Variants in CPQ observed in about 807,000 individuals in gnomAD.
CPQ encodes the protein Ser-Met dipeptidase.
Under a neutral mutation model 45.7 loss-of-function variants are expected in CPQ, and 37 were observed. The observed-to-expected ratio is 0.81, with a 90% CI of 0.62 to 1.07. The LOEUF (loss-of-function observed/expected upper bound fraction) is 1.07, where lower values mean the gene tolerates loss of function less well. Ranked by LOEUF, CPQ falls within the 50% of genes least tolerant of loss-of-function variation. The pLI, the probability that CPQ is intolerant of heterozygous loss-of-function variation, is 0.00. For synonymous variants in CPQ, 186 were observed against 205.8 expected, an observed-to-expected ratio of 0.90 and a Z score of 0.82; for missense variants, 537 against 572.9, an observed-to-expected ratio of 0.94 and a Z score of 0.64.
At chr8:96,934,044 A>T (rs1329912432) in intron 4 of CPQ, among the ~76,000 whole-genome samples, 1 of 152,188 alleles carries the variant, frequency 6.6e-6, no homozygotes, top group South Asian at 2.1e-4. Flanking sequence ...ATGCAACAGG[A>T]GCTTGAAGAG....
chr8:96,963,521 A>C (rs1396252180), intron 4 of CPQ, among the ~76,000 whole-genome samples: 1 of 152,198 alleles, frequency 6.6e-6, no homozygotes, highest in African/African-American at 2.4e-5. Flanking sequence ...TCAGTGAATC[A>C]TTCAGTGCAA....
intron 5 of CPQ, among the ~76,000 whole-genome samples, chr8:96,994,621 C>T (rs1032790198): frequency 1.3e-5 from 2 of 151,816 alleles, no homozygotes; most frequent in African/African-American, 4.8e-5. Context: ...CTAAGGAGAG[C>T]GTAGAAGGAG....
chr8:96,651,022 A>G (rs990256102), intron 1 of CPQ, among the ~76,000 whole-genome samples: 14 of 152,240 alleles, frequency 9.2e-5, no homozygotes, highest in African/African-American at 3.4e-4. Flanking sequence ...GCCTACATCT[A>G]TATTTATCAT....
At chr8:96,660,943 A>C (rs1270997524) in intron 1 of CPQ, among the ~76,000 whole-genome samples, 1 of 152,112 alleles carries the variant, frequency 6.6e-6, no homozygotes, top group Non-Finnish European at 1.5e-5. Flanking sequence ...TGAAGAATTT[A>C]TTTTGTTTTA....
intron 1 of CPQ, among the ~76,000 whole-genome samples, chr8:96,762,588 G>A (rs908973617): frequency 6.6e-6 from 1 of 152,158 alleles, no homozygotes; most frequent in African/African-American, 2.4e-5. Flanking sequence ...GGACAGTGAT[G>A]GAGGGACTAA....
At chr8:97,054,320 G>T (rs1563567377) in intron 6 of CPQ, among the ~76,000 whole-genome samples, 1 of 152,176 alleles carries the variant, frequency 6.6e-6, no homozygotes, top group Non-Finnish European at 1.5e-5. Flanking sequence ...TACACTGCTG[G>T]TGGGAACGTA....
At chr8:97,099,142 T>TTTTTTTTTTG (rs1356649967) in intron 7 of CPQ, among the ~76,000 whole-genome samples, 1 of 139,894 alleles carries the variant, frequency 7.1e-6, no homozygotes, top group Admixed American at 7.3e-5. Context: ...TTTTTTTTTT[T>TTTTTTTTTTG]GTGATGAAGT....
chr8:97,051,191 T>C (rs1406717959), intron 6 of CPQ, among the ~76,000 whole-genome samples: 1 of 152,188 alleles, frequency 6.6e-6, no homozygotes, highest in Non-Finnish European at 1.5e-5. Flanking sequence ...TTCTTGACCA[T>C]TGCTGTGCCA....
At chr8:96,803,794 A>T (rs1339392994) in intron 2 of CPQ, among the ~76,000 whole-genome samples, 2 of 152,212 alleles carry the variant, frequency 1.3e-5, no homozygotes, top group African/African-American at 4.8e-5. Flanking sequence ...ATCTCTGCTT[A>T]GTTATCTGTC....
rs192759986 is a variant in CPQ, at chr8:97,098,000, A to G, written c.1255+31790A>G. On this transcript the variant is annotated intron_variant, in intron 7 of 7. Transcript: ENST00000220763. ...AGAAAAATAAAATGATTTGTTGAAC[A>G]TACAGCATTGTCTCTATCACAGCCT... Among the ~76,000 whole-genome samples, 8 of 152,324 alleles carry G rather than the reference A, an allele frequency of 5.3e-5. No individual in the cohort carries two copies. The East Asian group carries it at 1.5e-3, about 29-fold the overall frequency.
intron 1 of CPQ, among the ~76,000 whole-genome samples, chr8:96,707,894 A>G (rs1480720190): frequency 1.3e-5 from 2 of 152,008 alleles, no homozygotes; most frequent in African/African-American, 4.8e-5. Context: ...TCTTTCCTCC[A>G]TATTTAAAGG....
intron 2 of CPQ, among the ~76,000 whole-genome samples, chr8:96,805,551 AG>A (rs1350998312): frequency 6.6e-6 from 1 of 152,226 alleles, no homozygotes; most frequent in Non-Finnish European, 1.5e-5. Flanking sequence ...GGCTCATTAC[AG>A]GAGTTCTTTA....
At chr8:96,648,771 A>G (rs981885978) in intron 1 of CPQ, among the ~76,000 whole-genome samples, 4 of 152,068 alleles carry the variant, frequency 2.6e-5, no homozygotes, top group Non-Finnish European at 4.4e-5. Context: ...AAGCCTAAAG[A>G]CCAAGCAGAG....
At chr8:97,120,371 C>CATTCCTTTACTGATCT (rs555410918) in intron 7 of CPQ, among the ~76,000 whole-genome samples, 47 of 151,574 alleles carry the variant, frequency 3.1e-4, no homozygotes, top group East Asian at 9.6e-4. Flanking sequence ...TTCACTGCCG[C>CATTCCTTTACTGATCT]ATTCCTTTAC....
At chr8:96,987,866 A>C (rs924754438) in intron 5 of CPQ, among the ~76,000 whole-genome samples, 2 of 152,156 alleles carry the variant, frequency 1.3e-5, no homozygotes, top group Non-Finnish European at 2.9e-5. Context: ...CACAGTAGAA[A>C]ATTTTTCATA....
At position 97,013,534 on chromosome 8, in the gene CPQ, G is replaced by A. The variant is rs555775428; in HGVS notation, c.962-15869G>A. ...TAGAACAGAAAATAACAGCTTTGAA[G>A]TCCAGAGAAAGGAGAGAGTGGAGCA... On this transcript the variant is annotated intron_variant, in intron 5 of 7. Coordinates refer to ENST00000220763, the MANE Select transcript of CPQ (RefSeq NM_016134.4). Among the ~76,000 whole-genome samples the A allele has an allele frequency of 3.5e-4, 53 of 152,298 alleles. 1 individual carries two copies. The highest frequency in any genetic ancestry group is 6.9e-4 in the Non-Finnish European group (47 of 68,022).
intron 6 of CPQ, among the ~76,000 whole-genome samples, chr8:97,063,578 T>C (rs1810588701): frequency 6.6e-6 from 1 of 152,180 alleles, no homozygotes; most frequent in Admixed American, 6.6e-5. Flanking sequence ...GCCTAGGTTG[T>C]CTTCTGGGTT....
intron 6 of CPQ, among the ~76,000 whole-genome samples, chr8:97,043,984 G>T (rs557970885): frequency 2.0e-5 from 3 of 152,274 alleles, no homozygotes; most frequent in Non-Finnish European, 4.4e-5. Flanking sequence ...TTCTCAAGGA[G>T]TATCTTTGTG....
At chr8:96,965,638 G>A (rs966330583) in intron 4 of CPQ, among the ~76,000 whole-genome samples, 1 of 151,978 alleles carries the variant, frequency 6.6e-6, no homozygotes. Flanking sequence ...CAAAGTGCTG[G>A]GATTAGAGGC....
Sources: gnomAD v4.1 joint callset for allele counts (sites outside exome capture counted in the v4.1 genomes callset) on GRCh38, gnomAD v4.1.1 for gene constraint, MANE v1.5 for transcripts, NCBI Gene and HGNC (gene_info 2026-07-23, HGNC 2026-07-21) for gene names.